The following CDC73 variants were observed in gnomAD, a reference collection of about 807,000 sequenced individuals.
CDC73 encodes the protein parafibromin.
Under a neutral mutation model 83.7 loss-of-function variants are expected in CDC73, and 21 were observed. The observed-to-expected ratio is 0.25, with a 90% confidence interval of 0.18 to 0.36. CDC73 has a LOEUF of 0.36. CDC73 is among the 10% of genes least tolerant of loss of function. The pLI is 1.00. For synonymous variants in CDC73, 224 were observed against 212.9 expected, an observed-to-expected ratio of 1.05 and a Z score of -0.45; for missense variants, 342 against 653.3, an observed-to-expected ratio of 0.52 and a Z score of 5.19.
chr1:193,214,675 C>T (rs1056381531), intron 13 of CDC73, among the ~76,000 whole-genome samples: 19 of 152,056 alleles, frequency 1.2e-4, no homozygotes, highest in Non-Finnish European at 2.2e-4. Context: ...GCTGAGATGC[C>T]GCCACTGCAC....
At chr1:193,174,970 T>C (rs1676577652) in intron 10 of CDC73, among the ~76,000 whole-genome samples, 1 of 152,254 alleles carries the variant, frequency 6.6e-6, no homozygotes, top group African/African-American at 2.4e-5. Flanking sequence ...CACTATTCCT[T>C]ATCCAGGAAT....
chr1:193,219,374 A>G (rs538764967), intron 13 of CDC73, among the ~76,000 whole-genome samples: 5 of 152,322 alleles, frequency 3.3e-5, no homozygotes, highest in African/African-American at 1.2e-4. Flanking sequence ...CATCTGACCC[A>G]GCAATCTGAT....
intron 15 of CDC73, among the ~76,000 whole-genome samples, chr1:193,247,501 C>T (rs928114235): frequency 1.3e-5 from 2 of 152,022 alleles, no homozygotes; most frequent in Admixed American, 6.6e-5. Flanking sequence ...AAGAGTTGCA[C>T]ATCTCTCATT....
At chr1:193,250,470 C>G (rs191168217) in intron 16 of CDC73, among the ~76,000 whole-genome samples, 6 of 151,846 alleles carry the variant, frequency 4.0e-5, no homozygotes, top group Admixed American at 3.3e-4. Flanking sequence ...ATTATTTTAG[C>G]TAGAAGCTCT....
intron 3 of CDC73, among the ~76,000 whole-genome samples, chr1:193,132,750 T>C (rs936846666): frequency 1.3e-5 from 2 of 152,072 alleles, no homozygotes; most frequent in African/African-American, 2.4e-5. Context: ...AGATGTGATA[T>C]AAGGTCTAAG....
At chr1:193,192,916 T>G (rs529521162) in intron 10 of CDC73, among the ~76,000 whole-genome samples, 60 of 152,216 alleles carry the variant, frequency 3.9e-4, no homozygotes, top group Non-Finnish European at 7.3e-4. Context: ...ATAAACTCCC[T>G]TACATTCCTT....
chr1:193,123,528 A>G (rs946361939), intron 1 of CDC73, among the ~76,000 whole-genome samples: 2 of 152,132 alleles, frequency 1.3e-5, no homozygotes, highest in Admixed American at 1.3e-4. Context: ...CGCCCTGCCT[A>G]TTGGTTGGTT....
chr1:193,250,552 A>G (rs1678028738), intron 16 of CDC73, 124 bp from the exon 17 acceptor site: 1 of 701,034 alleles, frequency 1.4e-6, no homozygotes, highest in Non-Finnish European at 2.5e-6. Flanking sequence ...CCAGTTTTCT[A>G]GAAAACAGCA....
chr1:193,205,201 C>T (rs200117061), intron 11 of CDC73, among the ~76,000 whole-genome samples: 2 of 116,116 alleles, frequency 1.7e-5, no homozygotes, highest in East Asian at 2.4e-4. Context: ...CCTGTCCCCC[C>T]CCCCCCCTTT....
In CDC73 at chr1:193,233,116, A is replaced by G. The variant is rs1677690277; in HGVS notation, c.1278A>G (p.Arg426=). The stretch of plus-strand genomic sequence containing the variant: ...CAATTAGTGTTACAGTACCTTATAG[A>G]GTAGTAGACCAGCCCCTTAAACTTA... The part of the protein sequence containing the change: ...GTAISVTVPY[R]VVDQPLKLMP... The change falls in exon 14 of 17, where the codon AGA becomes AGG. Residue 426 remains arginine, a synonymous_variant. Coordinates refer to ENST00000367435, the MANE Select transcript of CDC73 (RefSeq NM_024529.5). 6.2e-7 allele frequency: 1 copy of G among 1,613,608 alleles called. No homozygotes were observed. Among genetic ancestry groups the G allele is most frequent in the Middle Eastern group, 1.7e-4 (1 of 6,028 alleles).
chr1:193,152,489 A>G, intron 10 of CDC73, 45 bp downstream of exon 10: 1 of 1,202,524 alleles, frequency 8.3e-7, no homozygotes, highest in Non-Finnish European at 1.2e-6. Flanking sequence ...CAGGGATTTT[A>G]TGTGAGTAGC....
At chr1:193,125,272 T>C in intron 2 of CDC73, 55 bp downstream of exon 2, 1 of 1,120,904 alleles carries the variant, frequency 8.9e-7, no homozygotes. Flanking sequence ...TTTTTATTTA[T>C]TTAAGAGACA....
intron 1 of CDC73, among the ~76,000 whole-genome samples, chr1:193,124,536 A>G (rs1453627286): frequency 6.6e-6 from 1 of 152,218 alleles, no homozygotes; most frequent in Non-Finnish European, 1.5e-5. Context: ...TAGTACCTGC[A>G]TTAGAGATCT....
intron 6 of CDC73, 28 bp downstream of exon 6, chr1:193,138,201 G>A: frequency 2.8e-6 from 4 of 1,406,428 alleles, no homozygotes; most frequent in Non-Finnish European, 4.0e-6. Flanking sequence ...GTAGAAAGTA[G>A]GTAGTTTAGA....
intron 10 of CDC73, among the ~76,000 whole-genome samples, chr1:193,187,101 A>ACCCCC (rs1244442521): frequency 3.5e-5 from 1 of 28,922 alleles, no homozygotes; most frequent in African/African-American, 1.4e-4. Flanking sequence ...TGTAATTTAG[A>ACCCCC]TCCCCCCCCC....
chr1:193,173,441 C>G (rs564437840), intron 10 of CDC73, among the ~76,000 whole-genome samples: 1 of 152,216 alleles, frequency 6.6e-6, no homozygotes, highest in Admixed American at 6.5e-5. Context: ...CACTTTGCCT[C>G]TCTTAAACAT....
intron 2 of CDC73, chr1:193,127,818 C>CTTT (rs1486791723): frequency 1.2e-5 from 1 of 85,464 alleles, no homozygotes; most frequent in South Asian, 4.6e-4. Flanking sequence ...GCAGACCACT[C>CTTT]ATTTTTTTTT....
chr1:193,234,175 TCACACACACACACACA>T (rs71111461), intron 14 of CDC73, among the ~76,000 whole-genome samples: 1,696 of 101,352 alleles, frequency 0.017, 21 homozygotes, highest in South Asian at 0.038. Context: ...TCTCTCTCTC[TCACACACACACACACA>T]CACACACACA....
At chr1:193,122,454 A>C (rs964055714) in intron 1 of CDC73, 123 bp downstream of exon 1, 82 of 1,304,478 alleles carry the variant, frequency 6.3e-5, no homozygotes, top group Non-Finnish European at 7.0e-5. Context: ...GTTCGGGGAA[A>C]AGAAAGTTTC....
Sources: allele counts gnomAD v4.1 joint callset (sites outside exome capture counted in the v4.1 genomes callset), GRCh38; gene constraint gnomAD v4.1.1; transcripts MANE v1.5; gene names NCBI Gene and HGNC (gene_info 2026-07-23, HGNC 2026-07-21).